SLC38A9: variants seen among roughly 807,000 people sequenced by gnomAD.
SLC38A9 encodes the protein solute carrier family 38 member 9, also known as neutral amino acid transporter 9.
In SLC38A9, 48 loss-of-function variants were observed where a neutral mutation model predicts 62.3. The ratio of observed to expected loss-of-function variants is 0.77; its 90% confidence interval spans 0.61 to 0.98. The LOEUF is 0.98. Ranked by LOEUF, SLC38A9 falls within the 50% of genes least tolerant of loss-of-function variation. The pLI, the probability that SLC38A9 is intolerant of heterozygous loss-of-function variation, is 0.00. For missense variants in SLC38A9, 541 were observed against 679.8 expected (o/e 0.80, Z 2.27); for synonymous variants, 204 against 227.7 (o/e 0.90, Z 0.94).
intron 8 of SLC38A9, 143 bp from the exon 9 acceptor site, chr5:55,656,917 G>C: frequency 2.6e-6 from 1 of 380,738 alleles, no homozygotes. Flanking sequence ...CTAGAGTGCA[G>C]TGGCACGATC....
intron 8 of SLC38A9, among the ~76,000 whole-genome samples, chr5:55,657,025 T>C (rs916928328): frequency 2.6e-5 from 4 of 152,122 alleles, no homozygotes; most frequent in Admixed American, 2.6e-4. Context: ...CACCCCTGGC[T>C]AATTTTTTGT....
rs765505823 is a variant in SLC38A9 at position 55,664,680 on chromosome 5, TATAG to T, written c.697+9_697+12del. ...AAAGTACTGTGTTAAAAGCATATGA[TATAG>T]ATACTTACTAAAAATAAACTTTCCA... On this transcript the variant is annotated intron_variant, in intron 8 of 15. Coordinates refer to ENST00000396865, the MANE Select transcript of SLC38A9 (RefSeq NM_173514.4). 3.5e-6 allele frequency: 5 copies of T among 1,430,310 alleles called. No homozygotes were observed. Among genetic ancestry groups the T allele is most frequent in the South Asian group, 2.8e-5 (2 of 71,932 alleles). 88.6% of individuals were successfully genotyped at this position (1,430,310 alleles called of 1,614,324 possible).
At chr5:55,674,974 G>A (rs1045288091) in intron 3 of SLC38A9, among the ~76,000 whole-genome samples, 10 of 152,012 alleles carry the variant, frequency 6.6e-5, no homozygotes, top group African/African-American at 2.4e-4. Flanking sequence ...TTTTTGCTTT[G>A]CAAAAATGAT....
chr5:55,632,788 G>C (rs897819189), intron 14 of SLC38A9, among the ~76,000 whole-genome samples: 3 of 152,076 alleles, frequency 2.0e-5, no homozygotes, highest in African/African-American at 7.2e-5. Context: ...AGAGGGTCCT[G>C]CCCCAGACGC....
At position 55,641,084 on chromosome 5, in the gene SLC38A9, C is replaced by T. The variant is rs190762502; in HGVS notation, c.1167+4705G>A. Among the ~76,000 whole-genome samples the T allele has an allele frequency of 6.3e-3, 963 of 152,270 alleles. 10 individuals carry two copies. Among genetic ancestry groups the T allele is most frequent in the African/African-American group, 0.022 (931 of 41,542 alleles). ...CGAACTCCCAACCTCAGGTGATCCA[C>T]GCACCTCGGCCTCCCAAAGTGCTGG... is the stretch of plus-strand genomic sequence containing the variant. On this transcript the variant is annotated intron_variant, in intron 12 of 15. Transcript: ENST00000396865.
At chr5:55,673,335 G>A (rs1190018748) in intron 3 of SLC38A9, 2 of 152,036 alleles carry the variant, frequency 1.3e-5, no homozygotes, top group African/African-American at 2.4e-5. Context: ...TCCTTTCCAC[G>A]TCTGCATCCT....
At chr5:55,697,392 A>AT (rs925483741) in intron 3 of SLC38A9, among the ~76,000 whole-genome samples, 1 of 152,092 alleles carries the variant, frequency 6.6e-6, no homozygotes, top group African/African-American at 2.4e-5. Flanking sequence ...ACTGTTTATA[A>AT]TTTTTTTGTG....
At chr5:55,672,080 G>A (rs1373810285) in intron 4 of SLC38A9, among the ~76,000 whole-genome samples, 3 of 151,964 alleles carry the variant, frequency 2.0e-5, no homozygotes, top group African/African-American at 7.3e-5. Context: ...TTGAACCCCT[G>A]GGCTCAAGTG....
At chr5:55,669,439 A>T in intron 6 of SLC38A9, 118 bp from the exon 7 acceptor site, 2 of 1,287,286 alleles carry the variant, frequency 1.6e-6, no homozygotes, top group Non-Finnish European at 2.2e-6. Flanking sequence ...AAAACTAAAT[A>T]TAACCATCTA....
chr5:55,666,438 A>G (rs956210791), intron 7 of SLC38A9, among the ~76,000 whole-genome samples: 10 of 152,226 alleles, frequency 6.6e-5, no homozygotes, highest in Non-Finnish European at 1.5e-4. Context: ...TGAAATAATT[A>G]TGTTTGATGA....
chr5:55,691,155 A>G (rs550323001), intron 3 of SLC38A9: 20 of 756,550 alleles, frequency 2.6e-5, no homozygotes, highest in African/African-American at 1.9e-4. Flanking sequence ...AGTTAGAAAA[A>G]TCTTGAAACT....
intron 13 of SLC38A9, 88 bp from the exon 14 acceptor site, chr5:55,633,990 C>G: frequency 9.9e-7 from 1 of 1,014,736 alleles, no homozygotes; most frequent in Non-Finnish European, 1.4e-6. Context: ...TTATTTTGAA[C>G]ACAGGTGCTA....
At chr5:55,632,768 C>T (rs536896336) in intron 14 of SLC38A9, among the ~76,000 whole-genome samples, 1 of 152,254 alleles carries the variant, frequency 6.6e-6, no homozygotes, top group South Asian at 2.1e-4. Flanking sequence ...TCATAAGACT[C>T]CCATTCCAGA....
intron 3 of SLC38A9, among the ~76,000 whole-genome samples, chr5:55,673,606 A>G (rs1265171136): frequency 9.8e-6 from 1 of 101,708 alleles, no homozygotes; most frequent in Admixed American, 9.4e-5. Context: ...AAAAATCCAG[A>G]TTTATCATTG....
In SLC38A9 at chr5:55,702,004, C is replaced by G. The variant is rs147859491; in HGVS notation, c.-34-4012G>C. The stretch of plus-strand genomic sequence containing the variant: ...ACTTGTTACTGCCCAGACTACTTAA[C>G]AAGTACAGTTTTATTGTTGCCATAT... On this transcript the variant is annotated intron_variant, in intron 2 of 15. Coordinates refer to ENST00000396865, the MANE Select transcript of SLC38A9 (RefSeq NM_173514.4). Among the ~76,000 whole-genome samples the G allele has an allele frequency of 2.0e-5, 3 of 152,310 alleles. No individual in the cohort carries two copies. In the East Asian group the frequency reaches 5.8e-4, roughly 29 times the overall value.
chr5:55,666,256 T>C (rs77867864), intron 7 of SLC38A9, among the ~76,000 whole-genome samples: 2 of 152,186 alleles, frequency 1.3e-5, no homozygotes, highest in Non-Finnish European at 2.9e-5. Context: ...ACTAAAACCA[T>C]TTGCTTTTCC....
At chr5:55,669,508 T>G (rs202124897) in intron 6 of SLC38A9, 49 bp downstream of exon 6, 9 of 1,504,388 alleles carry the variant, frequency 6.0e-6, no homozygotes, top group Non-Finnish European at 8.2e-6. Flanking sequence ...ACTTACAATA[T>G]AAAGAGAAAA....
At chr5:55,651,528 G>A (rs533510061) in intron 10 of SLC38A9, among the ~76,000 whole-genome samples, 25 of 152,186 alleles carry the variant, frequency 1.6e-4, no homozygotes, top group Non-Finnish European at 2.9e-4. Flanking sequence ...GAATACAGGC[G>A]TGAGCCACCA....
At chr5:55,708,200 C>T (rs1194582127) in intron 2 of SLC38A9, among the ~76,000 whole-genome samples, 2 of 152,144 alleles carry the variant, frequency 1.3e-5, no homozygotes, top group Non-Finnish European at 2.9e-5. Flanking sequence ...CATGGTGGCT[C>T]ATGCCTGTAA....
Sources: gnomAD v4.1 joint callset for allele counts (sites outside exome capture counted in the v4.1 genomes callset) on GRCh38, gnomAD v4.1.1 for gene constraint, MANE v1.5 for transcripts, NCBI Gene and HGNC (gene_info 2026-07-23, HGNC 2026-07-21) for gene names.